KCNMA1: variants seen among roughly 807,000 people sequenced by gnomAD.
KCNMA1 encodes the protein Calcium-activated potassium channel subunit alpha-1.
KCNMA1 carries 29 observed loss-of-function variants against 140.0 expected under a neutral mutation model. The ratio of observed to expected loss-of-function variants is 0.21; its 90% CI spans 0.15 to 0.28. The LOEUF (loss-of-function observed/expected upper bound fraction) is 0.28. Ranked by LOEUF, KCNMA1 falls within the 10% of genes least tolerant of loss-of-function variation. The pLI is 1.00. For missense variants in KCNMA1, 880 were observed against 1,602.2 expected (o/e 0.55, Z 7.70); for synonymous variants, 612 against 611.9 (o/e 1.00, Z 0.00).
At chr10:77,509,268 A>G (rs7078632) in intron 1 of KCNMA1, among the ~76,000 whole-genome samples, 53,248 of 151,788 alleles carry the variant, frequency 0.35, 10,657 homozygotes, top group East Asian at 0.58. Flanking sequence ...ACAGGTGCAC[A>G]CCACCATGCC....
chr10:77,161,557 T>A (rs1198028940), intron 5 of KCNMA1, among the ~76,000 whole-genome samples: 1 of 152,144 alleles, frequency 6.6e-6, no homozygotes, highest in African/African-American at 2.4e-5. Flanking sequence ...GTTTTAATAG[T>A]AGTTACTGCA....
intron 3 of KCNMA1, among the ~76,000 whole-genome samples, chr10:77,227,924 A>G (rs1184013896): frequency 6.6e-6 from 1 of 151,908 alleles, no homozygotes; most frequent in East Asian, 1.9e-4. Context: ...TGATACTTAC[A>G]AGGGCCACAG....
chr10:77,637,616 G>A lies in KCNMA1; in HGVS notation c.27C>T (p.Gly9=), dbSNP rs1431447825. The A allele has an allele frequency of 1.2e-5, 18 of 1,523,032 alleles. No homozygotes were observed. Among genetic ancestry groups the A allele is most frequent in the African/African-American group, 6.9e-5 (5 of 72,006 alleles). 94.3% of individuals were successfully genotyped at this position (1,523,032 alleles called of 1,614,324 possible). The part of the protein sequence containing the change: MANGGGGG[G]GSSGGGGGGG... ...CGCCGCCGCCGCCGCCGCTGCTGCC[G>A]CCGCCGCCGCCGCCACCATTTGCCA... is the stretch of plus-strand genomic sequence containing the variant. The change falls in exon 1 of 28, where the codon GGC becomes GGT. Residue 9 remains glycine, a synonymous_variant. Coordinates refer to ENST00000286628, the MANE Select transcript of KCNMA1 (RefSeq NM_001161352.2).
intron 2 of KCNMA1, among the ~76,000 whole-genome samples, chr10:77,386,358 G>A (rs2077641): frequency 6.0e-4 from 91 of 152,192 alleles, no homozygotes; most frequent in African/African-American, 2.1e-3. Context: ...CAGTTAATAG[G>A]GCTTTCTATT....
intron 23 of KCNMA1, among the ~76,000 whole-genome samples, chr10:76,917,419 G>A (rs1049234585): frequency 7.9e-5 from 12 of 152,132 alleles, no homozygotes; most frequent in African/African-American, 1.9e-4. Context: ...AACAAGCCAC[G>A]GCATCCTTTT....
chr10:76,998,343 A>G (rs1470881026), intron 19 of KCNMA1, among the ~76,000 whole-genome samples: 1 of 152,174 alleles, frequency 6.6e-6, no homozygotes, highest in East Asian at 1.9e-4. Flanking sequence ...AAGAAAAAAA[A>G]TAGAGTAAAG....
chr10:77,601,177 T>A (rs886157628), intron 1 of KCNMA1, among the ~76,000 whole-genome samples: 1 of 152,138 alleles, frequency 6.6e-6, no homozygotes, highest in Non-Finnish European at 1.5e-5. Flanking sequence ...TTCACACCTC[T>A]AAGAGGCAGG....
chr10:76,923,908 C>T (rs1004812939), intron 23 of KCNMA1, among the ~76,000 whole-genome samples: 2 of 151,756 alleles, frequency 1.3e-5, no homozygotes, highest in Non-Finnish European at 2.9e-5. Context: ...GGGAGGCTGA[C>T]GTGGGAGGAT....
intron 19 of KCNMA1, chr10:76,995,641 G>GA (rs1355177197): frequency 2.1e-6 from 1 of 470,896 alleles, no homozygotes; most frequent in Admixed American, 2.3e-5. Context: ...CTCCACCATG[G>GA]AGGTAAGAGG....
chr10:77,636,996 C>G, intron 1 of KCNMA1: 1 of 1,408,936 alleles, frequency 7.1e-7, no homozygotes, highest in Non-Finnish European at 9.2e-7. Flanking sequence ...CAGCCGCAGC[C>G]GCCAACAACC....
chr10:77,534,700 A>C (rs1043799605), intron 1 of KCNMA1, among the ~76,000 whole-genome samples: 1 of 152,234 alleles, frequency 6.6e-6, no homozygotes, highest in East Asian at 1.9e-4. Context: ...GTAGCACAAC[A>C]GAACGACTAC....
chr10:77,552,396 C>A (rs764392837), intron 1 of KCNMA1, among the ~76,000 whole-genome samples: 7 of 152,164 alleles, frequency 4.6e-5, no homozygotes, highest in Non-Finnish European at 1.0e-4. Context: ...AAAACAGGAA[C>A]AAGAAGTGCA....
chr10:77,633,783 G>A (rs891384584), intron 1 of KCNMA1, among the ~76,000 whole-genome samples: 3 of 152,124 alleles, frequency 2.0e-5, no homozygotes, highest in Non-Finnish European at 2.9e-5. Flanking sequence ...ATAACTCTAT[G>A]CCCAGCCACA....
intron 1 of KCNMA1, among the ~76,000 whole-genome samples, chr10:77,418,380 T>A (rs530164052): frequency 2.0e-5 from 3 of 152,254 alleles, no homozygotes; most frequent in African/African-American, 2.4e-5. Context: ...CTTTCTCAAG[T>A]AAGGTTTTTT....
intron 10 of KCNMA1, among the ~76,000 whole-genome samples, chr10:77,088,666 TG>T (rs1257973468): frequency 6.6e-6 from 1 of 152,070 alleles, no homozygotes; most frequent in Non-Finnish European, 1.5e-5. Flanking sequence ...TGAGCTCAAG[TG>T]ATCTTCCCAC....
intron 5 of KCNMA1, among the ~76,000 whole-genome samples, chr10:77,166,764 A>C (rs555749578): frequency 5.9e-4 from 90 of 152,274 alleles, no homozygotes; most frequent in Admixed American, 2.7e-3. Context: ...GGTAACTGCT[A>C]GTGGACATTG....
intron 5 of KCNMA1, among the ~76,000 whole-genome samples, chr10:77,138,957 A>G (rs2098112027): frequency 6.6e-6 from 1 of 152,118 alleles, no homozygotes; most frequent in South Asian, 2.1e-4. Context: ...GTTTACCACA[A>G]TCTAAAATGA....
In KCNMA1 at chr10:76,885,307, A is replaced by G; in HGVS notation, c.*1959T>C. 2 of 856,338 alleles carry G rather than the reference A, an allele frequency of 2.3e-6. No individual in the cohort carries two copies. Among genetic ancestry groups the G allele is most frequent in the Non-Finnish European group, 2.8e-6 (2 of 714,076 alleles). The allele number at this position is 856,338 out of a possible 1,614,324, so 53.0% of individuals were successfully genotyped here. A position where few individuals can be genotyped will look rare whatever the true frequency, so the allele number is the denominator to read the frequency against. ...ATACATAATATAAATCAATATATAG[A>G]GGGACAAAAATAATTTGAAAAAATT... On this transcript the variant is annotated 3_prime_UTR_variant, in exon 28 of 28. Transcript: ENST00000286628.
In KCNMA1 at chr10:77,052,842, G is replaced by A. The variant is rs181868580; in HGVS notation, c.1750-13205C>T. ...CAAGCAGACCCATGCTTTTTAGAAA[G>A]CAAGTTATAAAATATCTGTCATTAC... On this transcript the variant is annotated intron_variant, in intron 14 of 27. Transcript: ENST00000286628. Among the ~76,000 whole-genome samples, 23 of 152,178 alleles carry A rather than the reference G, an allele frequency of 1.5e-4. No individual in the cohort carries two copies. The East Asian group carries it at 2.5e-3, about 17-fold the overall frequency.
Sources: gnomAD v4.1 joint callset for allele counts (sites outside exome capture counted in the v4.1 genomes callset) on GRCh38, gnomAD v4.1.1 for gene constraint, MANE v1.5 for transcripts, NCBI Gene and HGNC (gene_info 2026-07-23, HGNC 2026-07-21) for gene names.